LANCL1: variants seen among roughly 807,000 people sequenced by gnomAD.
The protein encoded by LANCL1 is glutathione S-transferase LANCL1.
LANCL1 carries 50 observed loss-of-function variants against 50.6 expected under a neutral mutation model. The observed-to-expected ratio is 0.99, with a 90% confidence interval of 0.79 to 1.25. The LOEUF (loss-of-function observed/expected upper bound fraction) is 1.25, where lower values mean the gene tolerates loss of function less well. Ranked by LOEUF, LANCL1 falls within the 50% of genes most tolerant of loss-of-function variation. LANCL1 has a pLI of 0.00. For synonymous variants in LANCL1, 188 were observed against 178.6 expected (o/e 1.05, Z -0.42); for missense variants, 532 against 480.7 (o/e 1.11, Z -1.00).
chr2:210,440,056 G>A (rs1384846984), intron 6 of LANCL1, among the ~76,000 whole-genome samples: 2 of 152,156 alleles, frequency 1.3e-5, no homozygotes, highest in Non-Finnish European at 2.9e-5. Context: ...ATTTGACTTT[G>A]GTTGATGTGC....
At chr2:210,437,591 GATTT>G (rs1190690662) in intron 7 of LANCL1, 95 bp downstream of exon 7, 1 of 659,234 alleles carries the variant, frequency 1.5e-6, no homozygotes, top group South Asian at 3.7e-5. Context: ...TCCCACAAGA[GATTT>G]ATTTATTGTT....
In LANCL1 at chr2:210,440,675, G is replaced by A; in HGVS notation, c.613C>T (p.Leu205=). Residue 205 remains leucine (L), a synonymous_variant, in exon 6 of 10, where the codon CTG becomes TTG. Transcript: ENST00000450366. ...RKRNFTAKSP[L]MYEWYQEYYV... ...TATTCCTGGTACCATTCATACATCA[G>A]TGGAGACTTTGCCGTGAAGTTTCTC... 12 of 1,613,998 alleles carry A rather than the reference G, an allele frequency of 7.4e-6. No individual in the cohort carries two copies. Among genetic ancestry groups the A allele is most frequent in the Non-Finnish European group, 1.0e-5 (12 of 1,179,866 alleles).
chr2:210,451,771 C>CTAAA (rs140689443), intron 4 of LANCL1, among the ~76,000 whole-genome samples: 2,165 of 152,202 alleles, frequency 0.014, 46 homozygotes, highest in African/African-American at 0.049. Flanking sequence ...CCAGAACCTA[C>CTAAA]TAAATAGCCT....
At chr2:210,439,817 G>A (rs1376284216) in intron 6 of LANCL1, among the ~76,000 whole-genome samples, 2 of 152,154 alleles carry the variant, frequency 1.3e-5, no homozygotes, top group East Asian at 1.9e-4. Context: ...TGCTGAACAC[G>A]TTAATGAAAC....
intron 9 of LANCL1, among the ~76,000 whole-genome samples, 154 bp from the exon 10 acceptor site, chr2:210,434,717 G>A (rs1692863099): frequency 6.6e-6 from 1 of 151,856 alleles, no homozygotes; most frequent in Non-Finnish European, 1.5e-5. Flanking sequence ...CACCAGTGAT[G>A]GCCTCGTCCC....
At position 210,440,760 on chromosome 2, in the gene LANCL1, C is replaced by A. The variant is rs767399633; in HGVS notation, c.544-16G>T. 1.3e-4 allele frequency: 201 copies of A among 1,605,340 alleles called. No homozygotes were observed. Among genetic ancestry groups the A allele is most frequent in the Non-Finnish European group, 1.7e-4 (199 of 1,176,664 alleles). ...TTTCACAAATCTACAGGGAGAAAAC[C>A]AACCAAAATAACAAGTTAACTGAAC... On this transcript the variant is annotated splice_polypyrimidine_tract_variant and intron_variant, in intron 5 of 9. Transcript: ENST00000450366.
rs1693125170 is a variant in LANCL1 at position 210,441,330 on chromosome 2, A to G, written c.521T>C (p.Ile174Thr). The stretch of plus-strand genomic sequence containing the variant: ...TACCTGCTGAATATGGCTTTGAGGA[A>G]TCTTTTCCACTCCAAAGTTCTTATT... ...FVNKNFGVEK[I>T]PQSHIQQICE... Residue 174 changes from isoleucine (I) to threonine (T), a missense_variant, in exon 5 of 10, where the codon ATT becomes ACT. Coordinates refer to ENST00000450366, the MANE Select transcript of LANCL1 (RefSeq NM_006055.3). 8 of 1,613,076 alleles carry G rather than the reference A, an allele frequency of 5.0e-6. No individual in the cohort carries two copies. Among genetic ancestry groups the G allele is most frequent in the Non-Finnish European group, 6.8e-6 (8 of 1,179,410 alleles).
intron 3 of LANCL1, chr2:210,471,749 C>T (rs909802022): frequency 2.7e-6 from 2 of 742,574 alleles, no homozygotes; most frequent in Non-Finnish European, 4.9e-6. Flanking sequence ...CATGAATATG[C>T]TTACCATGCC....
At position 210,437,843 on chromosome 2, in the gene LANCL1, T is replaced by A. The variant is rs763376677; in HGVS notation, c.720A>T (p.Leu240Phe). ...CTACACTGGGCTTGACCAAACTATG[T>A]AACTTCCCTTGGCTCACTTGAAGGC... ...QPSLQVSQGK[L>F]HSLVKPSVDY... The change falls in exon 7 of 10, where the codon TTA becomes TTT. Residue 240 changes from leucine (L) to phenylalanine (F), a missense_variant. By Grantham distance (22) the Leu-to-Phe change is conservative. Coordinates refer to ENST00000450366, the MANE Select transcript of LANCL1 (RefSeq NM_006055.3). 67 of 1,604,496 alleles carry A rather than the reference T, an allele frequency of 4.2e-5. No homozygotes were observed. In the Admixed American group the frequency reaches 1.1e-3, roughly 26 times the overall value.
chr2:210,459,477 A>G (rs1205498286), intron 3 of LANCL1, among the ~76,000 whole-genome samples: 6 of 152,180 alleles, frequency 3.9e-5, no homozygotes, highest in Non-Finnish European at 5.9e-5. Flanking sequence ...CTACAGTAAT[A>G]TAAGTTAATT....
intron 3 of LANCL1, 144 bp from the exon 4 acceptor site, chr2:210,455,458 A>G: frequency 2.9e-6 from 2 of 684,374 alleles, no homozygotes; most frequent in Non-Finnish European, 2.4e-6. Context: ...CTTTAATTCT[A>G]GGCTCAGCTC....
intron 4 of LANCL1, among the ~76,000 whole-genome samples, chr2:210,449,718 A>C (rs181364886): frequency 1.4e-3 from 210 of 152,316 alleles, no homozygotes; most frequent in African/African-American, 4.8e-3. Context: ...CAAAGAGCCA[A>C]ATCATGGGTG....
At chr2:210,442,503 G>C (rs1693175280) in intron 4 of LANCL1, 1 of 152,152 alleles carries the variant, frequency 6.6e-6, no homozygotes, top group South Asian at 2.1e-4. Flanking sequence ...AGACTCAGTT[G>C]AGCTTCTCAG....
intron 3 of LANCL1, among the ~76,000 whole-genome samples, chr2:210,461,645 A>G (rs1693865707): frequency 6.6e-6 from 1 of 152,218 alleles, no homozygotes; most frequent in African/African-American, 2.4e-5. Flanking sequence ...TAATATTTGA[A>G]AAGAGGAAAT....
At chr2:210,464,477 T>C (rs565291973) in intron 3 of LANCL1, among the ~76,000 whole-genome samples, 10 of 151,876 alleles carry the variant, frequency 6.6e-5, no homozygotes, top group Non-Finnish European at 1.2e-4. Flanking sequence ...AAAATATATA[T>C]ATATAGTGGA....
chr2:210,476,210 T>C (rs1694362962), intron 2 of LANCL1, 106 bp downstream of exon 2: 1 of 623,996 alleles, frequency 1.6e-6, no homozygotes. Flanking sequence ...CGTCGAATCA[T>C]GTATTTTTTT....
At position 210,452,277 on chromosome 2, in the gene LANCL1, G is replaced by T. The variant is rs796970599; in HGVS notation, c.407+2830C>A. ...CCATTACTGACTCGTCACACTACAA[G>T]AAGGGAGGTTATATATTTCTGGACC... On this transcript the variant is annotated intron_variant, in intron 4 of 9. Coordinates refer to ENST00000450366, the MANE Select transcript of LANCL1 (RefSeq NM_006055.3). 2.0e-5 allele frequency among the ~76,000 whole-genome samples: 3 copies of T among 149,852 alleles called. No homozygotes were observed. The South Asian group carries it at 6.4e-4, about 32-fold the overall frequency.
chr2:210,455,002 TCTG>T (rs1204756019), intron 4 of LANCL1, 102 bp downstream of exon 4: 2 of 887,540 alleles, frequency 2.3e-6, no homozygotes, highest in Non-Finnish European at 3.5e-6. Context: ...GTGAGATTTA[TCTG>T]CTAAGAGAAA....
Position 210,450,149 on chromosome 2 carries a change from T to G in LANCL1, c.407+4958A>C, listed in dbSNP as rs180688694. On this transcript the variant is annotated intron_variant, in intron 4 of 9. Coordinates refer to ENST00000450366, the MANE Select transcript of LANCL1 (RefSeq NM_006055.3). ...GGTACTGGTACCAAAAACAGATATA[T>G]AGACCAATAGAACAGAACAGAGGCC... Among the ~76,000 whole-genome samples the G allele has an allele frequency of 3.3e-4, 50 of 152,194 alleles. 1 individual carries two copies. Among genetic ancestry groups the G allele is most frequent in the East Asian group, 2.1e-3 (11 of 5,186 alleles).
Sources: allele counts gnomAD v4.1 joint callset (sites outside exome capture counted in the v4.1 genomes callset), GRCh38; gene constraint gnomAD v4.1.1; transcripts MANE v1.5; gene names NCBI Gene and HGNC (gene_info 2026-07-23, HGNC 2026-07-21).